Variants in MED12L observed in about 807,000 individuals in gnomAD.
MED12L encodes mediator complex subunit 12L.
In MED12L, 60 loss-of-function variants were observed where a neutral mutation model predicts 281.3. That is an observed-to-expected ratio of 0.21 (90% CI 0.17 to 0.26). The LOEUF (loss-of-function observed/expected upper bound fraction) is 0.26, where lower values mean the gene tolerates loss of function less well. Among genes scored for constraint, MED12L ranks in the 10% least tolerant of loss-of-function variants. The probability of loss-of-function intolerance (pLI) is 1.00; values close to 1 mark genes in which losing one functional copy is unlikely to be tolerated. For missense variants in MED12L, 2,146 were observed against 2,680.9 expected (o/e 0.80, Z 4.41); for synonymous variants, 974 against 987.2 (o/e 0.99, Z 0.25).
At chr3:151,244,982 T>C (rs1248332137) in intron 16 of MED12L, among the ~76,000 whole-genome samples, 3 of 149,848 alleles carry the variant, frequency 2.0e-5, no homozygotes, top group Non-Finnish European at 4.5e-5. Context: ...CAGATAATAC[T>C]ACAAACACCT....
At chr3:151,126,562 T>C (rs571231964) in intron 4 of MED12L, among the ~76,000 whole-genome samples, 1 of 152,322 alleles carries the variant, frequency 6.6e-6, no homozygotes, top group African/African-American at 2.4e-5. Context: ...ATCCACTGTA[T>C]GAGTGAGGAT....
chr3:151,414,924 A>C (rs900263489), intron 42 of MED12L, among the ~76,000 whole-genome samples: 1 of 152,212 alleles, frequency 6.6e-6, no homozygotes, highest in African/African-American at 2.4e-5. Context: ...CACTCATTTG[A>C]TAATTTTACG....
At chr3:151,383,374 G>A (rs1357309250) in intron 33 of MED12L, among the ~76,000 whole-genome samples, 1 of 152,206 alleles carries the variant, frequency 6.6e-6, no homozygotes, top group Non-Finnish European at 1.5e-5. Flanking sequence ...ATGGTATTAT[G>A]ATAGCAGGCT....
chr3:151,127,938 A>G lies in MED12L; in HGVS notation c.510A>G (p.Ile170Met), dbSNP rs1714771124. The G allele has an allele frequency of 6.2e-7, 1 of 1,614,138 alleles. No individual in the cohort carries two copies. The highest frequency in any genetic ancestry group is 8.5e-7 in the Non-Finnish European group (1 of 1,179,976). Residue 170 changes from isoleucine to methionine, a missense_variant, in exon 5 of 45, where the codon ATA becomes ATG. Physicochemically the swap from Ile to Met is conservative, Grantham distance 10. This residue lies in a region of MED12L where 722 missense variants were observed against 861.2 expected (regional missense o/e 0.84). Coordinates refer to ENST00000687756, the MANE Select transcript of MED12L (RefSeq NM_001393769.1). ...TGACTTGTGCCTATTATTCTGCTAT[A>G]TCTGAAGCTAAAATTAAGAAACGTC... ...IKMTCAYYSA[I>M]SEAKIKKRQA...
chr3:151,207,008 A>G (rs1726470261), intron 16 of MED12L, among the ~76,000 whole-genome samples: 1 of 151,012 alleles, frequency 6.6e-6, no homozygotes, highest in Non-Finnish European at 1.5e-5. Context: ...TTCCAGGAGA[A>G]TGTTCTTTGG....
chr3:151,131,738 TG>T, intron 5 of MED12L, among the ~76,000 whole-genome samples: 1 of 11,070 alleles, frequency 9.0e-5, no homozygotes, highest in South Asian at 4.3e-3. Context: ...CCCTACTAAA[TG>T]GAGAAATGGA....
intron 16 of MED12L, among the ~76,000 whole-genome samples, chr3:151,346,680 ATTTGCTGGC>A (rs1752586229): frequency 6.6e-6 from 1 of 152,028 alleles, no homozygotes; most frequent in African/African-American, 2.4e-5. Context: ...TATGTGCACC[ATTTGCTGGC>A]TTATTTCTCC....
At chr3:151,272,160 AAGGC>A (rs1741071767) in intron 16 of MED12L, among the ~76,000 whole-genome samples, 1 of 152,196 alleles carries the variant, frequency 6.6e-6, no homozygotes, top group African/African-American at 2.4e-5. Flanking sequence ...CTTGCAGGAA[AAGGC>A]AGGATAAACA....
intron 23 of MED12L, 70 bp downstream of exon 23, chr3:151,366,061 C>T (rs950201799): frequency 8.0e-5 from 104 of 1,292,226 alleles, no homozygotes; most frequent in Non-Finnish European, 1.0e-4. Context: ...AATCTTTTTG[C>T]TTTTGGCTTT....
At chr3:151,418,227 T>C (rs1161619264) in intron 43 of MED12L, among the ~76,000 whole-genome samples, 3 of 152,170 alleles carry the variant, frequency 2.0e-5, no homozygotes, top group Non-Finnish European at 4.4e-5. Flanking sequence ...TTAAGTACTT[T>C]CACTTTTTTT....
At chr3:151,329,645 T>C in intron 16 of MED12L, 1 of 603,876 alleles carries the variant, frequency 1.7e-6, no homozygotes, top group South Asian at 2.5e-5. Flanking sequence ...ATTTAGACCT[T>C]TGGGACATTT....
chr3:151,342,875 G>A (rs745498847), intron 16 of MED12L, among the ~76,000 whole-genome samples: 1 of 152,040 alleles, frequency 6.6e-6, no homozygotes, highest in Admixed American at 6.6e-5. Flanking sequence ...ACACTGTCAT[G>A]GATTAACTCA....
chr3:151,367,716 C>T lies in MED12L; in HGVS notation c.3398C>T (p.Ser1133Phe), dbSNP rs749543965. The T allele has an allele frequency of 2.5e-6, 4 of 1,611,364 alleles. No homozygotes were observed. Among genetic ancestry groups the T allele is most frequent in the Non-Finnish European group, 3.4e-6 (4 of 1,178,232 alleles). ...ATTCTGATAGCACGACAGTGTTTTTCCCTGGAGGACGTCGTGCAGCATGTC... is the reference window on the plus strand; with the variant it reads ...ATTCTGATAGCACGACAGTGTTTTTTCCTGGAGGACGTCGTGCAGCATGTC... ...IAILIARQCF[S>F]LEDVVQHVAL... Residue 1133 changes from serine (S) to phenylalanine (F), a missense_variant, in exon 24 of 45, where the codon TCC becomes TTC. Ser to Phe is a radical substitution (Grantham distance 155, BLOSUM62 -2). Around this residue, in one of 9 missense-constraint regions of MED12L, gnomAD observed 404 missense variants for 603.5 expected, o/e 0.67. Coordinates refer to ENST00000687756, the MANE Select transcript of MED12L (RefSeq NM_001393769.1).
chr3:151,096,624 T>G (rs980343216), intron 2 of MED12L, among the ~76,000 whole-genome samples: 3 of 152,168 alleles, frequency 2.0e-5, no homozygotes, highest in Non-Finnish European at 4.4e-5. Context: ...TCTGTTTTGC[T>G]GAGAGAGGGA....
At chr3:151,423,170 C>T (rs956818268) in intron 43 of MED12L, among the ~76,000 whole-genome samples, 2 of 151,586 alleles carry the variant, frequency 1.3e-5, no homozygotes, top group African/African-American at 4.8e-5. Context: ...CAGGTGCCTG[C>T]CACCATGCCC....
At chr3:151,386,513 C>G (rs931675347) in intron 36 of MED12L, among the ~76,000 whole-genome samples, 1 of 151,578 alleles carries the variant, frequency 6.6e-6, no homozygotes, top group African/African-American at 2.4e-5. Flanking sequence ...TCTCAGCCTC[C>G]TGAGTACCTG....
At chr3:151,186,373 A>T (rs1723279599) in intron 12 of MED12L, among the ~76,000 whole-genome samples, 1 of 152,056 alleles carries the variant, frequency 6.6e-6, no homozygotes, top group Non-Finnish European at 1.5e-5. Context: ...ATGTAAATAG[A>T]TCGCATTGTC....
intron 16 of MED12L, chr3:151,199,233 A>G (rs926957796): frequency 5.6e-6 from 9 of 1,614,060 alleles, no homozygotes; most frequent in Non-Finnish European, 7.6e-6. Flanking sequence ...TTAATTAAGT[A>G]GATGCTCACA....
chr3:151,231,604 C>T (rs1731691067), intron 16 of MED12L, among the ~76,000 whole-genome samples: 3 of 151,978 alleles, frequency 2.0e-5, no homozygotes, highest in Admixed American at 6.6e-5. Context: ...ATCAATGCCA[C>T]GAGAAACAAA....
Sources: gnomAD v4.1 joint callset for allele counts (sites outside exome capture counted in the v4.1 genomes callset) on GRCh38, gnomAD v4.1.1 for gene constraint, gnomAD v4.1.1 regional missense constraint, MANE v1.5 for transcripts, NCBI Gene and HGNC (gene_info 2026-07-23, HGNC 2026-07-21) for gene names.